VAV1: variants seen among roughly 807,000 people sequenced by gnomAD.
The protein encoded by VAV1 is proto-oncogene vav.
Under a neutral mutation model 128.1 loss-of-function variants are expected in VAV1, and 33 were observed. The observed-to-expected ratio is 0.26, with a 90% confidence interval of 0.20 to 0.34. VAV1 has a LOEUF of 0.34. VAV1 is among the 10% of genes least tolerant of loss of function. The probability of loss-of-function intolerance (pLI) is 1.00; values close to 1 mark genes in which losing one functional copy is unlikely to be tolerated. For synonymous variants in VAV1, 394 were observed against 409.8 expected (o/e 0.96, Z 0.47); for missense variants, 715 against 1,093.7 (o/e 0.65, Z 4.88).
At chr19:6,840,303 CTTTTT>C (rs34882027) in intron 21 of VAV1, among the ~76,000 whole-genome samples, 6 of 124,126 alleles carry the variant, frequency 4.8e-5, no homozygotes, top group African/African-American at 2.9e-5. Context: ...AATTTTCTTT[CTTTTT>C]TTTTTTTTTT....
chr19:6,844,904 A>G (rs897487720), intron 22 of VAV1, among the ~76,000 whole-genome samples: 7 of 151,944 alleles, frequency 4.6e-5, no homozygotes, highest in Non-Finnish European at 7.4e-5. Context: ...AAATACCAAA[A>G]CTGTAACTAA....
intron 21 of VAV1, among the ~76,000 whole-genome samples, chr19:6,839,256 G>C (rs2144805964): frequency 6.7e-6 from 1 of 148,598 alleles, no homozygotes; most frequent in African/African-American, 2.5e-5. Flanking sequence ...GTCTCACTAT[G>C]TTGTCCAGGC....
rs1412397030 is a variant in VAV1, at chr19:6,820,933, T to C, written c.321+115T>C. The C allele has an allele frequency of 5.1e-6, 5 of 976,024 alleles. No individual in the cohort carries two copies. The Admixed American group carries it at 5.6e-5, about 11-fold the overall frequency. 60.5% of individuals were successfully genotyped at this position (976,024 alleles called of 1,614,324 possible). A position where few individuals can be genotyped will look rare whatever the true frequency, so the allele number is the denominator to read the frequency against. On this transcript the variant is annotated intron_variant, in intron 2 of 26. Transcript: ENST00000602142. This position sits in a 1 kb window ranked among gnomAD's most constrained non-coding sequence, Gnocchi z 4.4. ...GGCAGACAAGCCAGACCAGGCCATA[T>C]ACAAGACGCAAATAGCACTGGCTTG...
At chr19:6,806,735 TG>T (rs1971405320) in intron 1 of VAV1, among the ~76,000 whole-genome samples, 1 of 152,202 alleles carries the variant, frequency 6.6e-6, no homozygotes, top group Non-Finnish European at 1.5e-5. Flanking sequence ...GGCAAGGGGA[TG>T]GGCCATGCTA....
At chr19:6,808,413 G>A (rs962904587) in intron 1 of VAV1, among the ~76,000 whole-genome samples, 24 of 152,186 alleles carry the variant, frequency 1.6e-4, no homozygotes, top group Non-Finnish European at 4.4e-5. Flanking sequence ...AAACTAGGAG[G>A]TAAGTCACTC....
At chr19:6,785,910 C>G (rs992693892) in intron 1 of VAV1, among the ~76,000 whole-genome samples, 1 of 152,044 alleles carries the variant, frequency 6.6e-6, no homozygotes, top group African/African-American at 2.4e-5. Flanking sequence ...CCGCCCGTCT[C>G]GGCCTCCCAA....
intron 9 of VAV1, chr19:6,827,028 C>G: frequency 3.0e-6 from 1 of 337,492 alleles, no homozygotes; most frequent in Non-Finnish European, 5.7e-6. Context: ...GCTGAGCTCC[C>G]ACTTCTCACT....
intron 19 of VAV1, 124 bp from the exon 20 acceptor site, chr19:6,836,308 G>A (rs1397274422): frequency 7.1e-6 from 9 of 1,264,566 alleles, no homozygotes; most frequent in Admixed American, 2.8e-5. Context: ...GTTTCTCCAC[G>A]TCCTTGTCAA....
In VAV1 at chr19:6,856,567, C is replaced by CA. The variant is rs1362081395; in HGVS notation, c.2485-480dup. On this transcript the variant is annotated intron_variant, in intron 26 of 26. Transcript: ENST00000602142. ...TGAAACCCCGTCTCTACTAAAAATA[C>CA]AAAAAAATTAGCCGGGTGTGGTGGC... Among the ~76,000 whole-genome samples the CA allele has an allele frequency of 3.3e-5, 5 of 150,810 alleles. No homozygotes were observed. The East Asian group carries it at 9.8e-4, about 30-fold the overall frequency.
At position 6,852,929 on chromosome 19, in the gene VAV1, G is replaced by T. The variant is rs372082481; in HGVS notation, c.2218-36G>T. Reference sequence around the variant, plus strand: ...GCTCTGCCCCCTTATGGGCTGGCCCGCTGGGATAGCATCTGCCATGTGGTC... The same window carrying T: ...GCTCTGCCCCCTTATGGGCTGGCCCTCTGGGATAGCATCTGCCATGTGGTC... On this transcript the variant is annotated intron_variant, in intron 24 of 26. Transcript: ENST00000602142. 47 of 1,574,560 alleles carry T rather than the reference G, an allele frequency of 3.0e-5. No homozygotes were observed. The Middle Eastern group carries it at 1.2e-3, about 40-fold the overall frequency.
At chr19:6,798,229 A>G (rs1454472071) in intron 1 of VAV1, among the ~76,000 whole-genome samples, 1 of 152,132 alleles carries the variant, frequency 6.6e-6, no homozygotes, top group Non-Finnish European at 1.5e-5. Context: ...GTGAGCGGAG[A>G]TCGCATCATT....
intron 1 of VAV1, among the ~76,000 whole-genome samples, chr19:6,778,233 C>T (rs182429609): frequency 1.3e-5 from 2 of 152,284 alleles, no homozygotes; most frequent in African/African-American, 4.8e-5. Flanking sequence ...CCACCACGCC[C>T]AGACACCACT....
chr19:6,840,658 G>A (rs957229096), intron 21 of VAV1, among the ~76,000 whole-genome samples: 2 of 150,576 alleles, frequency 1.3e-5, no homozygotes, highest in African/African-American at 4.9e-5. Flanking sequence ...CTGGAGTGCA[G>A]TGGTCGTGTA....
chr19:6,809,875 A>T (rs2144746806), intron 1 of VAV1, among the ~76,000 whole-genome samples: 1 of 152,022 alleles, frequency 6.6e-6, no homozygotes, highest in Admixed American at 6.6e-5. Flanking sequence ...GGATTCAATG[A>T]ATCCTCCATT....
intron 25 of VAV1, 93 bp from the exon 26 acceptor site, chr19:6,853,854 A>G: frequency 6.6e-7 from 1 of 1,518,968 alleles, no homozygotes; most frequent in Non-Finnish European, 8.9e-7. Flanking sequence ...GGAGCCCTTT[A>G]TCCTGGAGTT....
chr19:6,780,112 AAATAATAATAATAATAATAAT>A (rs55937714), intron 1 of VAV1, among the ~76,000 whole-genome samples: 7 of 127,530 alleles, frequency 5.5e-5, no homozygotes, highest in African/African-American at 8.4e-5. Flanking sequence ...CTCTGTCTTA[AAATAATAATAATAATAATAAT>A]AATAATAATA....
In VAV1 at chr19:6,826,794, T is replaced by C. The variant is rs2144779700; in HGVS notation, c.927+83T>C. ...AGCAGGGAGGACACTGAGTTGCAGATGGTCCACTTTCTGCTGCAGCCCAGC... is the reference window on the plus strand; with the variant it reads ...AGCAGGGAGGACACTGAGTTGCAGACGGTCCACTTTCTGCTGCAGCCCAGC... On this transcript the variant is annotated intron_variant, in intron 9 of 26. Transcript: ENST00000602142. This position sits in a 1 kb window ranked among gnomAD's most constrained non-coding sequence, Gnocchi z 4.1. The C allele has an allele frequency of 9.0e-7, 1 of 1,112,736 alleles. No homozygotes were observed. The highest frequency in any genetic ancestry group is 1.3e-5 in the South Asian group (1 of 75,582). The allele number at this position is 1,112,736 out of a possible 1,614,324, so 68.9% of individuals were successfully genotyped here.
At position 6,857,284 on chromosome 19, in the gene VAV1, A is replaced by T. The variant is rs997601525; in HGVS notation, c.*177A>T. On this transcript the variant is annotated 3_prime_UTR_variant, in exon 27 of 27. Coordinates refer to ENST00000602142, the MANE Select transcript of VAV1 (RefSeq NM_005428.4). Reference sequence around the variant, plus strand: ...TGTGCCCTGACATGGTTAATTTATAACACCCCGATTTCCTCTTGGGTCCCC... The same window carrying T: ...TGTGCCCTGACATGGTTAATTTATATCACCCCGATTTCCTCTTGGGTCCCC... 1 of 754,330 alleles carries T rather than the reference A, an allele frequency of 1.3e-6. No individual in the cohort carries two copies. The highest frequency in any genetic ancestry group is 2.1e-6 in the Non-Finnish European group (1 of 479,590). The allele number at this position is 754,330 out of a possible 1,614,324, so 46.7% of individuals were successfully genotyped here. A position where few individuals can be genotyped will look rare whatever the true frequency, so the allele number is the denominator to read the frequency against.
At chr19:6,809,299 C>T (rs1295909909) in intron 1 of VAV1, among the ~76,000 whole-genome samples, 1 of 152,134 alleles carries the variant, frequency 6.6e-6, no homozygotes, top group Non-Finnish European at 1.5e-5. Context: ...TCTTGAACTC[C>T]TGGCCTCAAG....
Sources: gnomAD v4.1 joint callset for allele counts (sites outside exome capture counted in the v4.1 genomes callset) on GRCh38, gnomAD v4.1.1 for gene constraint, Gnocchi (gnomAD v3.1) non-coding constraint, MANE v1.5 for transcripts, NCBI Gene and HGNC (gene_info 2026-07-23, HGNC 2026-07-21) for gene names.